STON1: variants seen among roughly 807,000 people sequenced by gnomAD.
STON1 encodes the protein stonin 1.
In STON1, 79 loss-of-function variants were observed where a neutral mutation model predicts 60.9. The ratio of observed to expected loss-of-function variants is 1.30; its 90% CI spans 1.08 to 1.56. The LOEUF is 1.56. Ranked by LOEUF, STON1 falls within the 40% of genes most tolerant of loss-of-function variation. The pLI is 0.00. For missense variants in STON1, 1,166 were observed against 858.9 expected, an observed-to-expected ratio of 1.36 and a Z score of -4.47; for synonymous variants, 363 against 306.9, an observed-to-expected ratio of 1.18 and a Z score of -1.91.
chr2:48,550,501 A>G (rs1420863930), intron 1 of STON1, among the ~76,000 whole-genome samples: 3 of 149,940 alleles, frequency 2.0e-5, no homozygotes, highest in Non-Finnish European at 3.0e-5. Flanking sequence ...CTATCTCAAA[A>G]AAAAAAAAAG....
chr2:48,591,554 A>T, intron 2 of STON1, 99 bp from the exon 3 acceptor site: 1 of 1,492,730 alleles, frequency 6.7e-7, no homozygotes, highest in Non-Finnish European at 9.0e-7. Context: ...GTGCTAATGA[A>T]ATTCCTTATT....
chr2:48,593,092 G>A (rs775067385), intron 3 of STON1, among the ~76,000 whole-genome samples: 5 of 152,080 alleles, frequency 3.3e-5, no homozygotes, highest in Non-Finnish European at 5.9e-5. Flanking sequence ...TTGAAATGGT[G>A]ATGCATCTTG....
chr2:48,552,818 G>T (rs996213892), intron 1 of STON1, among the ~76,000 whole-genome samples: 1 of 152,100 alleles, frequency 6.6e-6, no homozygotes, highest in Non-Finnish European at 1.5e-5. Flanking sequence ...ACTTACAAAT[G>T]GTTAAAAGGG....
chr2:48,538,809 A>C (rs1020257856), intron 1 of STON1, among the ~76,000 whole-genome samples: 1 of 127,502 alleles, frequency 7.8e-6, no homozygotes, highest in African/African-American at 3.0e-5. Context: ...GTAGAGATGC[A>C]GTTTTGCCAT....
intron 1 of STON1, among the ~76,000 whole-genome samples, chr2:48,575,424 AG>A (rs1306322357): frequency 2.0e-5 from 3 of 151,886 alleles, no homozygotes; most frequent in Admixed American, 1.3e-4. Context: ...GAGGCCGAGG[AG>A]GGTGGATCAC....
intron 1 of STON1, among the ~76,000 whole-genome samples, chr2:48,562,955 CAAG>C (rs533364947): frequency 1.9e-3 from 291 of 152,290 alleles, no homozygotes; most frequent in African/African-American, 6.5e-3. Flanking sequence ...GAGAACAGCC[CAAG>C]AGTTCAGTGA....
chr2:48,541,645 G>GC (rs1671655874), intron 1 of STON1, among the ~76,000 whole-genome samples: 1 of 140,048 alleles, frequency 7.1e-6, no homozygotes, highest in Non-Finnish European at 1.5e-5. Context: ...GTTATAGTGA[G>GC]CCGAGATTGC....
intron 3 of STON1, among the ~76,000 whole-genome samples, chr2:48,593,336 C>T (rs573836844): frequency 5.9e-5 from 9 of 151,276 alleles, no homozygotes; most frequent in Admixed American, 5.3e-4. Context: ...AGGCTGGTCT[C>T]GAACTCCTGA....
chr2:48,531,476 T>C (rs1025811149), intron 1 of STON1: 2 of 152,462 alleles, frequency 1.3e-5, no homozygotes, highest in African/African-American at 2.4e-5. Flanking sequence ...TCAGTAGTTA[T>C]TATGGTTGAA....
chr2:48,570,421 T>C (rs1673143779), intron 1 of STON1, among the ~76,000 whole-genome samples: 2 of 152,214 alleles, frequency 1.3e-5, no homozygotes, highest in African/African-American at 4.8e-5. Context: ...GCAACCTTTG[T>C]TCGTGTTTTG....
chr2:48,555,539 G>A (rs867601426), intron 1 of STON1, among the ~76,000 whole-genome samples: 14 of 72,296 alleles, frequency 1.9e-4, no homozygotes, highest in Admixed American at 1.3e-3. Flanking sequence ...GCGGCTGGCC[G>A]GGCGTGGGGC....
At chr2:48,594,139 A>G (rs992309775) in intron 3 of STON1, among the ~76,000 whole-genome samples, 4 of 152,056 alleles carry the variant, frequency 2.6e-5, no homozygotes. Context: ...TCACTCCCCC[A>G]TGAATGTTGA....
intron 1 of STON1, among the ~76,000 whole-genome samples, chr2:48,576,418 G>A (rs999425074): frequency 6.6e-6 from 1 of 151,056 alleles, no homozygotes; most frequent in African/African-American, 2.4e-5. Context: ...TTGAACTCCT[G>A]ACCTCAAGTG....
In STON1 at chr2:48,557,619, C is replaced by T. The variant is rs1397755184; in HGVS notation, c.-47-22968C>T. Among the ~76,000 whole-genome samples the T allele has an allele frequency of 1.5e-3, 157 of 101,358 alleles. 21 individuals are homozygous for T. Among genetic ancestry groups the T allele is most frequent in the African/African-American group, 5.3e-3 (148 of 27,954 alleles). 66.5% of individuals were successfully genotyped at this position (101,358 alleles called of 152,430 possible). A position where few individuals can be genotyped will look rare whatever the true frequency, so the allele number is the denominator to read the frequency against. On this transcript the variant is annotated intron_variant, in intron 1 of 3. Transcript: ENST00000404752. ...TGTAGGTTGTAGTGAGCCGAGATCACGCCACTGCACTCCAGCCTGGGCACC... is the reference window on the plus strand; with the variant it reads ...TGTAGGTTGTAGTGAGCCGAGATCATGCCACTGCACTCCAGCCTGGGCACC...
Position 48,553,975 on chromosome 2 carries a change from G to C in STON1, c.-48+23759G>C, listed in dbSNP as rs1184724037. 2.0e-5 allele frequency among the ~76,000 whole-genome samples: 3 copies of C among 152,200 alleles called. No individual in the cohort carries two copies. In the East Asian group the frequency reaches 5.8e-4, roughly 29 times the overall value. ...ATAGCTGTGGGGACTTCACCCAAAG[G>C]ACTTCTGTGTGCTGTGAGCAGGAAT... On this transcript the variant is annotated intron_variant, in intron 1 of 3. Transcript: ENST00000404752.
chr2:48,590,672 C>T (rs1674463568), intron 2 of STON1, among the ~76,000 whole-genome samples: 4 of 152,020 alleles, frequency 2.6e-5, no homozygotes, highest in Admixed American at 2.6e-4. Flanking sequence ...ATATGACCCC[C>T]ATCTAAAATC....
intron 1 of STON1, among the ~76,000 whole-genome samples, chr2:48,566,837 T>C (rs1185362376): frequency 6.6e-6 from 1 of 152,128 alleles, no homozygotes; most frequent in Non-Finnish European, 1.5e-5. Context: ...GCTGGTGTTG[T>C]GGTGGTGTGG....
intron 1 of STON1, among the ~76,000 whole-genome samples, chr2:48,570,709 G>A (rs1476914376): frequency 6.6e-6 from 1 of 152,064 alleles, no homozygotes; most frequent in Non-Finnish European, 1.5e-5. Flanking sequence ...ATGTCTAATA[G>A]TCTAAAGAGG....
chr2:48,581,123 G>A lies in STON1; in HGVS notation c.490G>A (p.Gly164Arg), dbSNP rs1673855263. The A allele has an allele frequency of 6.3e-7, 1 of 1,589,470 alleles. No individual in the cohort carries two copies. The highest frequency in any genetic ancestry group is 1.2e-5 in the South Asian group (1 of 85,642). Reference protein sequence around the residue: ...EVNPQQAESLGFQSDDLPQFQ... With the variant: ...EVNPQQAESLRFQSDDLPQFQ... ...TAATCCTCAACAGGCTGAAAGCCTA[G>A]GATTCCAAAGTGATGATCTCCCCCA... Residue 164 changes from glycine to arginine, a missense_variant, in exon 2 of 4, where the codon GGA becomes AGA. Coordinates refer to ENST00000404752, the MANE Select transcript of STON1 (RefSeq NM_006873.4).
Sources: allele counts gnomAD v4.1 joint callset (sites outside exome capture counted in the v4.1 genomes callset), GRCh38; gene constraint gnomAD v4.1.1; transcripts MANE v1.5; gene names NCBI Gene and HGNC (gene_info 2026-07-23, HGNC 2026-07-21).